Variants in FBP1 observed in about 807,000 individuals in gnomAD.
The protein encoded by FBP1 is fructose-1,6-bisphosphatase 1.
In FBP1, 22 loss-of-function variants were observed where a neutral mutation model predicts 29.9. That is an observed-to-expected ratio of 0.74 (90% CI 0.53 to 1.05). The LOEUF is 1.05. Ranked by LOEUF, FBP1 falls within the 50% of genes least tolerant of loss-of-function variation. The pLI, the probability that FBP1 is intolerant of heterozygous loss-of-function variation, is 0.00. For missense variants in FBP1, 345 were observed against 448.2 expected (o/e 0.77, Z 2.08); for synonymous variants, 175 against 178.6 (o/e 0.98, Z 0.16).
intron 1 of FBP1, among the ~76,000 whole-genome samples, chr9:94,638,626 G>T (rs949557272): frequency 6.2e-5 from 1 of 16,054 alleles, no homozygotes; most frequent in African/African-American, 4.0e-3. Context: ...GCCTGCTTGC[G>T]GGGGGGGCGG....
chr9:94,633,959 G>A (rs1168864794), intron 1 of FBP1, among the ~76,000 whole-genome samples: 1 of 150,870 alleles, frequency 6.6e-6, no homozygotes, highest in Non-Finnish European at 1.5e-5. Flanking sequence ...GCCCGACTCG[G>A]CCTCCCAAAG....
chr9:94,627,016 C>T (rs970754548), intron 1 of FBP1, among the ~76,000 whole-genome samples: 1 of 152,094 alleles, frequency 6.6e-6, no homozygotes, highest in Non-Finnish European at 1.5e-5. Flanking sequence ...TGGAGAAACC[C>T]TGTCTCTACT....
intron 3 of FBP1, among the ~76,000 whole-genome samples, chr9:94,615,913 C>T (rs976085943): frequency 6.6e-6 from 1 of 151,674 alleles, no homozygotes; most frequent in Non-Finnish European, 1.5e-5. Flanking sequence ...CTGCAACCTC[C>T]ACCTCCCAGG....
At chr9:94,617,529 A>G (rs773655658) in intron 3 of FBP1, among the ~76,000 whole-genome samples, 4 of 152,222 alleles carry the variant, frequency 2.6e-5, no homozygotes, top group Admixed American at 6.5e-5. Context: ...AAGACATAGT[A>G]AAAAGAGTGA....
In FBP1 at chr9:94,639,261, A is replaced by T. The variant is rs746418821; in HGVS notation, c.50T>A (p.Phe17Tyr). The T allele has an allele frequency of 3.1e-6, 5 of 1,605,796 alleles. No individual in the cohort carries two copies. The African/African-American group carries it at 4.0e-5, about 13-fold the overall frequency. ...GGCCTTCCTGCCCTCCTCCATGACG[A>T]AGCGGGTCAGGGTGTTGACGTCCGT... ...FDTDVNTLTR[F>Y]VMEEGRKARG... Residue 17 changes from phenylalanine (F) to tyrosine (Y), a missense_variant, in exon 1 of 7, where the codon TTC (phenylalanine) becomes TAC (tyrosine). Physicochemically the swap from Phe to Tyr is conservative, Grantham distance 22. Transcript: ENST00000375326.
intron 1 of FBP1, among the ~76,000 whole-genome samples, chr9:94,636,380 A>C (rs1828190487): frequency 6.6e-6 from 1 of 152,112 alleles, no homozygotes; most frequent in African/African-American, 2.4e-5. Context: ...GGGGAGGCTG[A>C]GGTGGGAGCA....
At chr9:94,626,361 G>A (rs913646383) in intron 1 of FBP1, among the ~76,000 whole-genome samples, 25 of 152,116 alleles carry the variant, frequency 1.6e-4, no homozygotes, top group Non-Finnish European at 3.1e-4. Context: ...AAATTCCCCC[G>A]GCTGCCAGCC....
chr9:94,606,852 G>T lies in FBP1; in HGVS notation c.668C>A (p.Ala223Asp), dbSNP rs369420846. Reference protein sequence around the residue: ...NEGYARDFDPAVTEYIQRKKF... With the variant: ...NEGYARDFDPDVTEYIQRKKF... The stretch of plus-strand genomic sequence containing the variant: ...CTTCCTCTGGATGTACTCAGTGACG[G>T]CAGGGTCAAAGTCCCTGGCGTAGCC... Residue 223 changes from alanine to aspartate, a missense_variant, in exon 5 of 7, where the codon GCC becomes GAC. Transcript: ENST00000375326. The T allele has an allele frequency of 4.8e-5, 78 of 1,613,838 alleles. No homozygotes were observed. The highest frequency in any genetic ancestry group is 6.6e-5 in the Non-Finnish European group (78 of 1,179,852).
At chr9:94,603,633 C>A in intron 6 of FBP1, 61 bp from the exon 7 acceptor site, 1 of 1,478,348 alleles carries the variant, frequency 6.8e-7, no homozygotes, top group Non-Finnish European at 9.5e-7. Flanking sequence ...AAAAAAGAGA[C>A]TTTTCTGCAG....
rs78046247 is a variant in FBP1, at chr9:94,621,583, C to T, written c.171-1092G>A. On this transcript the variant is annotated intron_variant, in intron 1 of 6. Coordinates refer to ENST00000375326, the MANE Select transcript of FBP1 (RefSeq NM_000507.4). The stretch of plus-strand genomic sequence containing the variant: ...CTTAACTTTGTTTTCATTATGATTC[C>T]CCTAGGGAGCTTTTTAGAACATTTT... 7.1e-3 allele frequency among the ~76,000 whole-genome samples: 1,085 copies of T among 152,072 alleles called. 14 individuals are homozygous for T. Among genetic ancestry groups the T allele is most frequent in the African/African-American group, 0.025 (1,043 of 41,424 alleles).
intron 2 of FBP1, among the ~76,000 whole-genome samples, chr9:94,618,180 AAAG>A (rs772779285): frequency 4.6e-5 from 7 of 152,302 alleles, no homozygotes; most frequent in African/African-American, 9.6e-5. Context: ...GCCAAAGGAA[AAAG>A]AAGGTTAGTC....
chr9:94,621,422 G>A (rs1827949990), intron 1 of FBP1, among the ~76,000 whole-genome samples: 5 of 141,436 alleles, frequency 3.5e-5, no homozygotes, highest in Admixed American at 3.5e-4. Flanking sequence ...TAGAAGAAAG[G>A]AAGGAGGACA....
At chr9:94,618,226 A>T (rs1435644957) in intron 2 of FBP1, among the ~76,000 whole-genome samples, 1 of 152,126 alleles carries the variant, frequency 6.6e-6, no homozygotes, top group African/African-American at 2.4e-5. Context: ...GGAAAAAAAT[A>T]ATTCCTTAGG....
intron 1 of FBP1, among the ~76,000 whole-genome samples, chr9:94,627,330 G>A (rs562222847): frequency 2.6e-5 from 4 of 152,238 alleles, no homozygotes; most frequent in Middle Eastern, 3.4e-3. Flanking sequence ...ACTCCAGCCT[G>A]GGCAAAAAAG....
chr9:94,634,763 G>C (rs570352323), intron 1 of FBP1, among the ~76,000 whole-genome samples: 3 of 152,258 alleles, frequency 2.0e-5, no homozygotes, highest in African/African-American at 7.2e-5. Flanking sequence ...CATCAAAAAT[G>C]TCGCCTGGCC....
At chr9:94,637,155 G>A (rs1828202653) in intron 1 of FBP1, among the ~76,000 whole-genome samples, 1 of 152,086 alleles carries the variant, frequency 6.6e-6, no homozygotes, top group African/African-American at 2.4e-5. Context: ...AACAGTAATG[G>A]AGTCATCACC....
intron 1 of FBP1, among the ~76,000 whole-genome samples, chr9:94,621,330 A>G (rs1359839499): frequency 1.3e-5 from 2 of 151,496 alleles, no homozygotes; most frequent in Non-Finnish European, 2.9e-5. Flanking sequence ...CGGGAGGTGG[A>G]GCTTGCAGTG....
intron 1 of FBP1, among the ~76,000 whole-genome samples, chr9:94,637,399 C>CTT (rs202217364): frequency 0.021 from 3,004 of 142,862 alleles, 81 homozygotes; most frequent in African/African-American, 0.063. Flanking sequence ...CATCATGCGT[C>CTT]TTTTTTTTTT....
chr9:94,608,238 C>T (rs1226022650), intron 4 of FBP1, among the ~76,000 whole-genome samples: 5 of 152,144 alleles, frequency 3.3e-5, no homozygotes, highest in Non-Finnish European at 7.3e-5. Flanking sequence ...TTGCAGCAAG[C>T]GCAAACAAAG....
Sources: allele counts gnomAD v4.1 joint callset (sites outside exome capture counted in the v4.1 genomes callset), GRCh38; gene constraint gnomAD v4.1.1; transcripts MANE v1.5; gene names NCBI Gene and HGNC (gene_info 2026-07-23, HGNC 2026-07-21).